PSG2: variants seen among roughly 807,000 people sequenced by gnomAD.
The protein encoded by PSG2 is pregnancy-specific beta-1-glycoprotein 2.
PSG2 carries 49 observed loss-of-function variants against 36.2 expected under a neutral mutation model. That is an observed-to-expected ratio of 1.35 (90% CI 1.08 to 1.72). The LOEUF is 1.72. Ranked by LOEUF, PSG2 falls within the 40% of genes most tolerant of loss-of-function variation. The pLI, the probability that PSG2 is intolerant of heterozygous loss-of-function variation, is 0.00. For synonymous variants in PSG2, 261 were observed against 155.6 expected (o/e 1.68, Z -5.04); for missense variants, 605 against 407.2 (o/e 1.49, Z -4.18).
intron 2 of PSG2, among the ~76,000 whole-genome samples, chr19:43,079,293 T>C (rs796708524): frequency 4.0e-5 from 6 of 151,300 alleles, no homozygotes; most frequent in South Asian, 2.1e-4. Context: ...CAAGGAGCCC[T>C]GAGAACCCTC....
At chr19:43,067,171 G>T (rs1419329359) in intron 4 of PSG2, among the ~76,000 whole-genome samples, 2 of 151,348 alleles carry the variant, frequency 1.3e-5, no homozygotes, top group Non-Finnish European at 2.9e-5. Flanking sequence ...TCTTAGAACT[G>T]CATTGGTACC....
chr19:43,074,456 T>A (rs1967863098), intron 3 of PSG2, among the ~76,000 whole-genome samples: 1 of 151,858 alleles, frequency 6.6e-6, no homozygotes, highest in Non-Finnish European at 1.5e-5. Context: ...CTTTTGATGT[T>A]AATGTGAATT....
chr19:43,072,775 T>A (rs1023054347), intron 3 of PSG2: 9 of 1,462,536 alleles, frequency 6.2e-6, no homozygotes, highest in Non-Finnish European at 8.3e-6. Context: ...ACAAGACAGA[T>A]GCATGATGAT....
chr19:43,080,558 C>T lies in PSG2; in HGVS notation c.430+323G>A, dbSNP rs193051739. Among the ~76,000 whole-genome samples, 46 of 151,800 alleles carry T rather than the reference C, an allele frequency of 3.0e-4. 2 individuals are homozygous for T. The highest frequency in any genetic ancestry group is 1.1e-3 in the African/African-American group (46 of 41,228). ...GGGACCCCTCAGGCCAAGCCCTGCTCAGTTCTCCAGGGTCTTTCTCAGGGT... is the reference window on the plus strand; with the variant it reads ...GGGACCCCTCAGGCCAAGCCCTGCTTAGTTCTCCAGGGTCTTTCTCAGGGT... On this transcript the variant is annotated intron_variant, in intron 2 of 5. Coordinates refer to ENST00000406487, the MANE Select transcript of PSG2 (RefSeq NM_031246.4).
chr19:43,070,382 A>C (rs904061433), intron 4 of PSG2, among the ~76,000 whole-genome samples: 3 of 151,760 alleles, frequency 2.0e-5, no homozygotes, highest in African/African-American at 7.3e-5. Context: ...AAATTTGAAC[A>C]AATATTTGTG....
chr19:43,066,067 T>C (rs1351174564), intron 5 of PSG2, among the ~76,000 whole-genome samples: 1 of 151,560 alleles, frequency 6.6e-6, no homozygotes, highest in Non-Finnish European at 1.5e-5. Context: ...TAGGCTAGAG[T>C]AGACCCCTGC....
Position 43,071,654 on chromosome 19 carries a change from G to C in PSG2, c.964+46C>G, listed in dbSNP as rs776689477. On this transcript the variant is annotated intron_variant, in intron 4 of 5. Coordinates refer to ENST00000406487, the MANE Select transcript of PSG2 (RefSeq NM_031246.4). ...CTGACTCTTCTCTGAAAGCCAGATA[G>C]ACTCCACCTAAAACCCTACTGCCAA... is the stretch of plus-strand genomic sequence containing the variant. The C allele has an allele frequency of 8.7e-6, 14 of 1,612,428 alleles. No homozygotes were observed. In the Admixed American group the frequency reaches 1.8e-4, roughly 21 times the overall value.
intron 4 of PSG2, among the ~76,000 whole-genome samples, chr19:43,068,433 C>G (rs893390350): frequency 1.4e-5 from 2 of 143,174 alleles, no homozygotes; most frequent in South Asian, 2.2e-4. Flanking sequence ...TACAGAGTGA[C>G]AGCCTGTCTC....
intron 4 of PSG2, among the ~76,000 whole-genome samples, chr19:43,071,138 T>G (rs10425734): frequency 0.78 from 117,407 of 151,088 alleles, 46,831 homozygotes; most frequent in East Asian, 1. Flanking sequence ...TTCAGGACAG[T>G]CCACAAGGGG....
At chr19:43,079,692 C>A (rs1388399392) in intron 2 of PSG2, among the ~76,000 whole-genome samples, 6 of 151,630 alleles carry the variant, frequency 4.0e-5, no homozygotes, top group African/African-American at 1.5e-4. Context: ...ATGTTTTTTG[C>A]ACTGATTCTG....
At chr19:43,070,344 C>G (rs1174169003) in intron 4 of PSG2, among the ~76,000 whole-genome samples, 1 of 151,668 alleles carries the variant, frequency 6.6e-6, no homozygotes, top group Non-Finnish European at 1.5e-5. Flanking sequence ...AATTCCACTT[C>G]TGGACATACT....
chr19:43,067,635 A>G (rs62111055), intron 4 of PSG2, among the ~76,000 whole-genome samples: 10,307 of 151,266 alleles, frequency 0.068, 554 homozygotes, highest in Non-Finnish European at 0.094. Flanking sequence ...CTGGTGTCAT[A>G]TGGCTAGTGA....
At chr19:43,069,705 A>G (rs749420607) in intron 4 of PSG2, among the ~76,000 whole-genome samples, 1 of 151,694 alleles carries the variant, frequency 6.6e-6, no homozygotes, top group African/African-American at 2.4e-5. Context: ...ATCAACCCAT[A>G]ATAGATCAAA....
rs1429772317 is a variant in PSG2, at chr19:43,071,939, G to A, written c.725C>T (p.Pro242Leu). 5 of 1,612,708 alleles carry A rather than the reference G, an allele frequency of 3.1e-6. No homozygotes were observed. In the South Asian group the frequency reaches 5.5e-5, roughly 18 times the overall value. Residue 242 changes from proline to leucine, a missense_variant, in exon 4 of 6, where the codon CCC becomes CTC. Transcript: ENST00000406487. ...ATTGGTGTATGAAGGGTGAATTCTG[G>A]GGAGGTCTGGACCATCTGGAGCAAA... Reference protein sequence around the residue: ...TLNLLHGPDLPRIHPSYTNYR... With the variant: ...TLNLLHGPDLLRIHPSYTNYR...
At position 43,066,512 on chromosome 19, in the gene PSG2, C is replaced by T. The variant is rs754089916; in HGVS notation, c.*40+5G>A. ...GAACCAGGATAAGAGAAAAGGCCAT[C>T]ATACCTGCCAGTCTTCCTGAAATAC... is the stretch of plus-strand genomic sequence containing the variant. On this transcript the variant is annotated splice_donor_5th_base_variant and intron_variant, in intron 5 of 5. Coordinates refer to ENST00000406487, the MANE Select transcript of PSG2 (RefSeq NM_031246.4). 1.7e-5 allele frequency: 26 copies of T among 1,540,066 alleles called. No homozygotes were observed. Among genetic ancestry groups the T allele is most frequent in the Middle Eastern group, 1.7e-4 (1 of 5,920 alleles).
Position 43,071,896 on chromosome 19 carries a change from G to T in PSG2, c.768C>A (p.Asn256Lys). ...AGTTCGCGAAGCAAGACAAGTAGAG[G>T]TTATCTCCTGAACGGTAATTGGTGT... ...PSYTNYRSGDNLYLSCFANSN... is the reference protein window; with the variant it reads ...PSYTNYRSGDKLYLSCFANSN... The change falls in exon 4 of 6, where the codon AAC becomes AAA. Residue 256 changes from asparagine (N) to lysine (K), a missense_variant. Asn to Lys is a moderately conservative substitution (Grantham distance 94, BLOSUM62 0). Coordinates refer to ENST00000406487, the MANE Select transcript of PSG2 (RefSeq NM_031246.4). 5.0e-6 allele frequency: 8 copies of T among 1,612,698 alleles called. 1 individual carries two copies. The highest frequency in any genetic ancestry group is 5.9e-6 in the Non-Finnish European group (7 of 1,179,256).
intron 3 of PSG2, among the ~76,000 whole-genome samples, chr19:43,073,571 G>A (rs1967849461): frequency 6.6e-6 from 1 of 151,692 alleles, no homozygotes; most frequent in African/African-American, 2.4e-5. Flanking sequence ...TTCTTTCATT[G>A]AACAATCTAC....
At chr19:43,067,421 C>T (rs1967755044) in intron 4 of PSG2, among the ~76,000 whole-genome samples, 2 of 151,062 alleles carry the variant, frequency 1.3e-5, no homozygotes, top group African/African-American at 4.9e-5. Flanking sequence ...TAACCATGTC[C>T]TAGTGTTTTA....
chr19:43,072,721 C>T, intron 3 of PSG2: 1 of 1,562,788 alleles, frequency 6.4e-7, no homozygotes, highest in Non-Finnish European at 8.7e-7. Flanking sequence ...TCCCACCTCT[C>T]AGCCCACCTG....
Sources: allele counts gnomAD v4.1 joint callset (sites outside exome capture counted in the v4.1 genomes callset), GRCh38; gene constraint gnomAD v4.1.1; transcripts MANE v1.5; gene names NCBI Gene and HGNC (gene_info 2026-07-23, HGNC 2026-07-21).